Variants in WWC1 observed in about 807,000 individuals in gnomAD.
The protein encoded by WWC1 is WW and C2 domain containing 1.
Under a neutral mutation model 138.4 loss-of-function variants are expected in WWC1, and 55 were observed. The ratio of observed to expected loss-of-function variants is 0.40; its 90% CI spans 0.32 to 0.50. WWC1 has a LOEUF of 0.50. WWC1 is among the 20% of genes least tolerant of loss of function. WWC1 has a pLI of 0.72. For missense variants in WWC1, 1,226 were observed against 1,420.4 expected (o/e 0.86, Z 2.20); for synonymous variants, 524 against 564.9 (o/e 0.93, Z 1.03).
intron 1 of WWC1, among the ~76,000 whole-genome samples, chr5:168,356,399 G>A (rs796656571): frequency 6.6e-5 from 10 of 152,310 alleles, no homozygotes; most frequent in East Asian, 1.9e-4. Flanking sequence ...GGCTTTGCCC[G>A]CTCCCCTGGC....
intron 14 of WWC1, among the ~76,000 whole-genome samples, chr5:168,430,530 T>A (rs572979561): frequency 1.8e-4 from 27 of 152,160 alleles, no homozygotes; most frequent in South Asian, 1.5e-3. Context: ...TCCTGGGCCC[T>A]ACCCTCCTGG....
chr5:168,369,923 CAG>C (rs1344068444), intron 1 of WWC1, among the ~76,000 whole-genome samples: 2 of 100,154 alleles, frequency 2.0e-5, no homozygotes, highest in African/African-American at 4.5e-5. Context: ...TTTTTTGAGA[CAG>C]AGTTTCACAT....
chr5:168,409,864 C>T, intron 7 of WWC1, 58 bp from the exon 8 acceptor site: 1 of 1,589,616 alleles, frequency 6.3e-7, no homozygotes, highest in Non-Finnish European at 8.6e-7. Context: ...CCCTCGAAAC[C>T]CAACTCAGCA....
chr5:168,373,761 G>T (rs1315392154), intron 2 of WWC1, among the ~76,000 whole-genome samples: 1 of 149,032 alleles, frequency 6.7e-6, no homozygotes, highest in African/African-American at 2.5e-5. Context: ...AAAAGGTGGG[G>T]GTGTGCTGGG....
At position 168,399,522 on chromosome 5, in the gene WWC1, A is replaced by G; in HGVS notation, c.545A>G (p.Gln182Arg). ...CTGAAGAGAGAGATGGTTCACCTCC[A>G]GCACGAGCTGCAGTTCAAAGAGCGT... ...NKLKREMVHLQHELQFKERGF... is the reference protein window; with the variant it reads ...NKLKREMVHLRHELQFKERGF... Residue 182 changes from glutamine (Q) to arginine (R), a missense_variant, in exon 5 of 23, where the codon CAG becomes CGG. Gln to Arg is a conservative substitution (Grantham distance 43). Coordinates refer to ENST00000265293, the MANE Select transcript of WWC1 (RefSeq NM_015238.3). The G allele has an allele frequency of 6.2e-7, 1 of 1,614,200 alleles. No homozygotes were observed. The highest frequency in any genetic ancestry group is 8.5e-7 in the Non-Finnish European group (1 of 1,180,038).
intron 1 of WWC1, among the ~76,000 whole-genome samples, chr5:168,317,871 A>G (rs1771737461): frequency 1.3e-5 from 2 of 152,192 alleles, no homozygotes; most frequent in Admixed American, 6.5e-5. Context: ...GTGTTGAATG[A>G]TGCGTTATCA....
chr5:168,303,495 A>G (rs1770277326), intron 1 of WWC1, among the ~76,000 whole-genome samples: 1 of 152,066 alleles, frequency 6.6e-6, no homozygotes, highest in Non-Finnish European at 1.5e-5. Flanking sequence ...TATAGTCCCA[A>G]CTACACCAGA....
Position 168,444,550 on chromosome 5 carries a change from G to C in WWC1, c.2490G>C (p.Glu830Asp). Residue 830 changes from glutamate (E) to aspartate (D), a missense_variant, in exon 17 of 23, where the codon GAG becomes GAC. By Grantham distance (45) the Glu-to-Asp change is conservative. Coordinates refer to ENST00000265293, the MANE Select transcript of WWC1 (RefSeq NM_015238.3). The stretch of plus-strand genomic sequence containing the variant: ...CAGTGGAGCTGGAGAAGAGGCAGGA[G>C]GGCAGGAGCAGCACACAGACACTGG... ...QTAVELEKRQEGRSSTQTLED... is the reference protein window; with the variant it reads ...QTAVELEKRQDGRSSTQTLED... 6.2e-7 allele frequency: 1 copy of C among 1,610,612 alleles called. No individual in the cohort carries two copies. The highest frequency in any genetic ancestry group is 8.5e-7 in the Non-Finnish European group (1 of 1,178,688).
At chr5:168,363,290 G>A (rs531776851) in intron 1 of WWC1, among the ~76,000 whole-genome samples, 13 of 152,124 alleles carry the variant, frequency 8.5e-5, no homozygotes, top group African/African-American at 2.2e-4. Flanking sequence ...TTGGGAGGCC[G>A]AGGCAGGAGG....
At chr5:168,364,379 C>T (rs565114761) in intron 1 of WWC1, among the ~76,000 whole-genome samples, 7 of 152,242 alleles carry the variant, frequency 4.6e-5, no homozygotes, top group African/African-American at 1.4e-4. Flanking sequence ...GTTGGCCTTT[C>T]GCGTCTATAC....
intron 4 of WWC1, among the ~76,000 whole-genome samples, chr5:168,398,260 C>T (rs577192265): frequency 6.6e-6 from 1 of 152,114 alleles, no homozygotes; most frequent in East Asian, 1.9e-4. Flanking sequence ...CCCGCCACCA[C>T]ACCTGGCTAA....
chr5:168,357,535 G>A (rs1287189698), intron 1 of WWC1, among the ~76,000 whole-genome samples: 1 of 150,682 alleles, frequency 6.6e-6, no homozygotes, highest in Admixed American at 6.6e-5. Flanking sequence ...CCAGGGTATT[G>A]TGTTCCCTTT....
At chr5:168,351,850 G>T (rs1392699568) in intron 1 of WWC1, among the ~76,000 whole-genome samples, 1 of 152,152 alleles carries the variant, frequency 6.6e-6, no homozygotes, top group Non-Finnish European at 1.5e-5. Context: ...GTGGTGTTGA[G>T]TAGACTCCAC....
At position 168,319,265 on chromosome 5, in the gene WWC1, C is replaced by G. The variant is rs1422278127; in HGVS notation, c.119+26994C>G. On this transcript the variant is annotated intron_variant, in intron 1 of 22. Transcript: ENST00000265293. ...TGAAACCCCATCTCTACTAAAGATACAAAAATTAGCTGGACGTGGTGGCGG... is the reference window on the plus strand; with the variant it reads ...TGAAACCCCATCTCTACTAAAGATAGAAAAATTAGCTGGACGTGGTGGCGG... Among the ~76,000 whole-genome samples the G allele has an allele frequency of 2.6e-5, 4 of 152,042 alleles. No individual in the cohort carries two copies. In the East Asian group the frequency reaches 7.8e-4, roughly 30 times the overall value.
At position 168,397,764 on chromosome 5, in the gene WWC1, G is replaced by A. The variant is rs1779008833; in HGVS notation, c.474G>A (p.Glu158=). The change falls in exon 4 of 23, where the codon GAG becomes GAA. Residue 158 remains glutamate (E), a synonymous_variant. Transcript: ENST00000265293. ...CATCCAGCTCCAAGTATGACCCTGA[G>A]ATCCTGAAAGCTGAAATTGCCACTG... ...GSSSSSKYDP[E]ILKAEIATAK... is the part of the protein sequence containing the mutation. The A allele has an allele frequency of 2.5e-6, 4 of 1,614,010 alleles. No individual in the cohort carries two copies. Among genetic ancestry groups the A allele is most frequent in the Non-Finnish European group, 2.5e-6 (3 of 1,179,962 alleles).
rs1757567553 is a variant in WWC1, at chr5:168,469,365, G to T, written c.*348G>T. 1.1e-5 allele frequency: 3 copies of T among 264,238 alleles called. No homozygotes were observed. The highest frequency in any genetic ancestry group is 9.7e-5 in the Admixed American group (2 of 20,680). 16.4% of individuals were successfully genotyped at this position (264,238 alleles called of 1,614,324 possible). A position where few individuals can be genotyped will look rare whatever the true frequency, so the allele number is the denominator to read the frequency against. On this transcript the variant is annotated 3_prime_UTR_variant, in exon 23 of 23. Coordinates refer to ENST00000265293, the MANE Select transcript of WWC1 (RefSeq NM_015238.3). ...CTTAAAATCGTTTAGATTTTTTTTG[G>T]TTTGTACAGCTCCACCTTTTAGAGG...
In WWC1 at chr5:168,414,391, G is replaced by C; in HGVS notation, c.985G>C (p.Ala329Pro). 6.2e-7 allele frequency: 1 copy of C among 1,609,258 alleles called. No individual in the cohort carries two copies. Among genetic ancestry groups the C allele is most frequent in the East Asian group, 2.2e-5 (1 of 44,778 alleles). ...CCAGCTGGCCAAGCTTGACAGTGAG[G>C]CCTGGCCTGGGGTGCTGGACTCAGA... Reference protein sequence around the residue: ...KIQLAKLDSEAWPGVLDSERD... With the variant: ...KIQLAKLDSEPWPGVLDSERD... The change falls in exon 9 of 23, where the codon GCC (alanine) becomes CCC (proline). Residue 329 changes from alanine (A) to proline (P), a missense_variant. Ala to Pro is a conservative substitution (Grantham distance 27). This residue lies in a region of WWC1 where 1,016 missense variants were observed against 1,153.9 expected (regional missense o/e 0.88). Transcript: ENST00000265293.
chr5:168,383,386 C>G (rs1018713288), intron 2 of WWC1, among the ~76,000 whole-genome samples: 1 of 152,120 alleles, frequency 6.6e-6, no homozygotes, highest in African/African-American at 2.4e-5. Context: ...AGACGTTAAA[C>G]AGCCTTTCTG....
intron 21 of WWC1, among the ~76,000 whole-genome samples, chr5:168,465,286 G>A (rs1315581271): frequency 6.6e-6 from 1 of 152,178 alleles, no homozygotes; most frequent in Non-Finnish European, 1.5e-5. Flanking sequence ...CCCAGTCTGT[G>A]CCACAGCACG....
Sources: gnomAD v4.1 joint callset for allele counts (sites outside exome capture counted in the v4.1 genomes callset) on GRCh38, gnomAD v4.1.1 for gene constraint, gnomAD v4.1.1 regional missense constraint, MANE v1.5 for transcripts, NCBI Gene and HGNC (gene_info 2026-07-23, HGNC 2026-07-21) for gene names.